KCNAB1: variants seen among roughly 807,000 people sequenced by gnomAD.
The protein encoded by KCNAB1 is voltage-gated potassium channel subunit beta-1.
KCNAB1 carries 35 observed loss-of-function variants against 64.6 expected under a neutral mutation model. The ratio of observed to expected loss-of-function variants is 0.54; its 90% CI spans 0.41 to 0.72. KCNAB1 has a LOEUF of 0.72. Ranked by LOEUF, KCNAB1 falls within the 30% of genes least tolerant of loss-of-function variation. KCNAB1 has a pLI of 0.00. For missense variants in KCNAB1, 401 were observed against 512.9 expected, an observed-to-expected ratio of 0.78 and a Z score of 2.11; for synonymous variants, 177 against 183.8, an observed-to-expected ratio of 0.96 and a Z score of 0.30.
At chr3:156,450,308 AAC>A (rs1298809503) in intron 2 of KCNAB1, among the ~76,000 whole-genome samples, 1 of 152,152 alleles carries the variant, frequency 6.6e-6, no homozygotes, top group Non-Finnish European at 1.5e-5. Context: ...CCTTTTTCAT[AAC>A]ACAGAGTCAG....
chr3:156,446,004 AATG>A (rs1242436440), intron 2 of KCNAB1: 2 of 152,224 alleles, frequency 1.3e-5, no homozygotes, highest in Admixed American at 6.5e-5. Flanking sequence ...AAAAAATTCT[AATG>A]ATGTAGCAAG....
At chr3:156,491,479 T>C (rs1715624593) in intron 8 of KCNAB1, among the ~76,000 whole-genome samples, 1 of 152,052 alleles carries the variant, frequency 6.6e-6, no homozygotes, top group African/African-American at 2.4e-5. Context: ...AACATGAAAA[T>C]ATATGGGAGA....
At chr3:156,407,227 C>T (rs1714309016) in intron 1 of KCNAB1, among the ~76,000 whole-genome samples, 1 of 152,168 alleles carries the variant, frequency 6.6e-6, no homozygotes, top group Non-Finnish European at 1.5e-5. Flanking sequence ...TTCTGCTCAT[C>T]AACCTTGTCC....
intron 1 of KCNAB1, among the ~76,000 whole-genome samples, chr3:156,121,634 A>G (rs931069181): frequency 3.3e-5 from 5 of 152,200 alleles, no homozygotes; most frequent in Non-Finnish European, 4.4e-5. Flanking sequence ...TGTGCAAAAA[A>G]TCTCTTAGGA....
At chr3:156,376,645 AAAAAAGAGGT>A (rs1427912588) in intron 1 of KCNAB1, among the ~76,000 whole-genome samples, 1 of 152,190 alleles carries the variant, frequency 6.6e-6, no homozygotes, top group Non-Finnish European at 1.5e-5. Flanking sequence ...AAAGAAGGGT[AAAAAAGAGGT>A]AAGCCCCTGA....
At chr3:156,314,457 G>A (rs1261249728) in intron 1 of KCNAB1, among the ~76,000 whole-genome samples, 1 of 152,068 alleles carries the variant, frequency 6.6e-6, no homozygotes, top group Non-Finnish European at 1.5e-5. Flanking sequence ...TCTATCAAAG[G>A]CCACCCAACC....
chr3:156,364,033 A>G (rs1249735507), intron 1 of KCNAB1, among the ~76,000 whole-genome samples: 1 of 152,212 alleles, frequency 6.6e-6, no homozygotes, highest in Admixed American at 6.5e-5. Flanking sequence ...TATTCCACAC[A>G]ATACTTGGCA....
At chr3:156,375,846 G>C (rs1042676347) in intron 1 of KCNAB1, among the ~76,000 whole-genome samples, 5 of 89,164 alleles carry the variant, frequency 5.6e-5, no homozygotes, top group Admixed American at 1.8e-4. Flanking sequence ...GTGTGTTGGA[G>C]TGCCACTCTG....
intron 1 of KCNAB1, among the ~76,000 whole-genome samples, chr3:156,283,724 T>C (rs545405630): frequency 0.096 from 14,232 of 148,680 alleles, 906 homozygotes; most frequent in Non-Finnish European, 0.13. Context: ...TTTCATCTTC[T>C]ATCGCTGATA....
At chr3:156,463,450 T>C (rs889843579) in intron 5 of KCNAB1, among the ~76,000 whole-genome samples, 1 of 152,180 alleles carries the variant, frequency 6.6e-6, no homozygotes, top group Admixed American at 6.5e-5. Flanking sequence ...TTGTTATCAC[T>C]GCCCTCCACC....
In KCNAB1 at chr3:156,460,979, C is replaced by T. The variant is rs770002405; in HGVS notation, c.482+1108C>T. Among the ~76,000 whole-genome samples, 4 of 152,238 alleles carry T rather than the reference C, an allele frequency of 2.6e-5. No homozygotes were observed. The South Asian group carries it at 6.2e-4, about 24-fold the overall frequency. ...ATATGAACAAATAAACTTTGATGACCTACTTTCTCCTTCTCCCTTCTCCCT... is the reference window on the plus strand; with the variant it reads ...ATATGAACAAATAAACTTTGATGACTTACTTTCTCCTTCTCCCTTCTCCCT... On this transcript the variant is annotated intron_variant, in intron 5 of 13. Coordinates refer to ENST00000490337, the MANE Select transcript of KCNAB1 (RefSeq NM_172160.3).
chr3:156,301,195 T>C (rs1200437832), intron 1 of KCNAB1, among the ~76,000 whole-genome samples: 1 of 151,786 alleles, frequency 6.6e-6, no homozygotes, highest in South Asian at 2.1e-4. Context: ...CTCTTTAAAC[T>C]AGGTTTTTAT....
At chr3:156,131,382 A>G (rs902388757) in intron 1 of KCNAB1, among the ~76,000 whole-genome samples, 1 of 152,218 alleles carries the variant, frequency 6.6e-6, no homozygotes, top group African/African-American at 2.4e-5. Context: ...TTTGGTACAC[A>G]CATTGTGACC....
Position 156,421,639 on chromosome 3 carries a change from G to A in KCNAB1, c.299G>A (p.Arg100Lys). The A allele has an allele frequency of 1.2e-6, 2 of 1,614,078 alleles. No individual in the cohort carries two copies. The highest frequency in any genetic ancestry group is 1.7e-6 in the Non-Finnish European group (2 of 1,179,962). The change falls in exon 2 of 14, where the codon AGA (arginine) becomes AAA (lysine). Residue 100 changes from arginine (R) to lysine (K), a missense_variant. Physicochemically the swap from Arg to Lys is conservative, Grantham distance 26 (BLOSUM62 2). Coordinates refer to ENST00000490337, the MANE Select transcript of KCNAB1 (RefSeq NM_172160.3). ...AGGAATCTTGGAAAATCAGGACTCA[G>A]AGTTTCTTGCTTGGGTCTTGGTAAG... ...PHRNLGKSGLRVSCLGLGTWV... is the reference protein window; with the variant it reads ...PHRNLGKSGLKVSCLGLGTWV...
intron 8 of KCNAB1, among the ~76,000 whole-genome samples, chr3:156,475,845 A>C (rs1226409652): frequency 6.6e-6 from 1 of 152,216 alleles, no homozygotes; most frequent in Non-Finnish European, 1.5e-5. Flanking sequence ...ACCATAAAAA[A>C]GTTATGGAAA....
At chr3:156,228,202 A>T (rs1348159455) in intron 1 of KCNAB1, among the ~76,000 whole-genome samples, 1 of 152,066 alleles carries the variant, frequency 6.6e-6, no homozygotes, top group Non-Finnish European at 1.5e-5. Flanking sequence ...GGGAAGTCAG[A>T]TGCTGTCCTT....
intron 1 of KCNAB1, chr3:156,143,379 G>A (rs376161842): frequency 1.5e-5 from 24 of 1,606,022 alleles, no homozygotes; most frequent in East Asian, 2.2e-5. Flanking sequence ...ATGGAATTTC[G>A]TTGCAGGAAA....
At chr3:156,483,425 G>A (rs144193734) in intron 8 of KCNAB1, among the ~76,000 whole-genome samples, 12 of 152,092 alleles carry the variant, frequency 7.9e-5, no homozygotes, top group South Asian at 2.1e-4. Context: ...GTTTGATGTC[G>A]TATGCATATG....
intron 1 of KCNAB1, among the ~76,000 whole-genome samples, chr3:156,161,012 G>A (rs1022360948): frequency 1.3e-5 from 2 of 152,188 alleles, no homozygotes; most frequent in African/African-American, 4.8e-5. Context: ...TCATTCACAT[G>A]AAAGGAAATC....
Sources: allele counts gnomAD v4.1 joint callset (sites outside exome capture counted in the v4.1 genomes callset), GRCh38; gene constraint gnomAD v4.1.1; transcripts MANE v1.5; gene names NCBI Gene and HGNC (gene_info 2026-07-23, HGNC 2026-07-21).